SLC2A1: variants seen among roughly 807,000 people sequenced by gnomAD.
SLC2A1 encodes solute carrier family 2, facilitated glucose transporter member 1.
In SLC2A1, 4 loss-of-function variants were observed where a neutral mutation model predicts 46.6. The observed-to-expected ratio is 0.09, with a 90% CI of 0.04 to 0.20. SLC2A1 has a LOEUF of 0.20. Among genes scored for constraint, SLC2A1 ranks in the 10% least tolerant of loss-of-function variants. The pLI is 1.00. For missense variants in SLC2A1, 352 were observed against 667.0 expected (o/e 0.53, Z 5.20); for synonymous variants, 253 against 270.0 (o/e 0.94, Z 0.62).
intron 1 of SLC2A1, among the ~76,000 whole-genome samples, chr1:42,946,663 G>C (rs1313747554): frequency 5.3e-5 from 8 of 151,934 alleles, no homozygotes; most frequent in Non-Finnish European, 8.8e-5. Flanking sequence ...GGACAGAACA[G>C]TATGTGCAAG....
At position 42,926,970 on chromosome 1, in the gene SLC2A1, T is replaced by A; in HGVS notation, c.*71A>T. 1 of 1,580,398 alleles carries A rather than the reference T, an allele frequency of 6.3e-7. No homozygotes were observed. Among genetic ancestry groups the A allele is most frequent in the Non-Finnish European group, 8.6e-7 (1 of 1,161,326 alleles). On this transcript the variant is annotated 3_prime_UTR_variant, in exon 10 of 10. Transcript: ENST00000426263. ...ACATCTGTCAGGTTTGGAAGTCTCATCCAGCTGCCTGTGCTCCTGAGAGAT... is the reference window on the plus strand; with the variant it reads ...ACATCTGTCAGGTTTGGAAGTCTCAACCAGCTGCCTGTGCTCCTGAGAGAT...
Position 42,927,184 on chromosome 1 carries a change from T to C in SLC2A1, c.1336A>G (p.Ile446Val), listed in dbSNP as rs1643436127. ...TCAGGAACTTTGAAGTAGGTGAAGA[T>C]GAAGAACAGAACCAGGAGCACAGTG... is the stretch of plus-strand genomic sequence containing the variant. ...IFTVLLVLFF[I>V]FTYFKVPETK... Residue 446 changes from isoleucine (I) to valine (V), a missense_variant, in exon 10 of 10, where the codon ATC becomes GTC. By Grantham distance (29) the Ile-to-Val change is conservative (BLOSUM62 3). Coordinates refer to ENST00000426263, the MANE Select transcript of SLC2A1 (RefSeq NM_006516.4). This position sits in a 1 kb window ranked among gnomAD's most constrained non-coding sequence, Gnocchi z 5.3. 6 of 1,614,098 alleles carry C rather than the reference T, an allele frequency of 3.7e-6. No individual in the cohort carries two copies. The highest frequency in any genetic ancestry group is 5.1e-6 in the Non-Finnish European group (6 of 1,180,014).
In SLC2A1 at chr1:42,927,331, T is replaced by G. The variant is rs559147717; in HGVS notation, c.1279-90A>C. On this transcript the variant is annotated intron_variant, in intron 9 of 9. Transcript: ENST00000426263. This position sits in a 1 kb window ranked among gnomAD's most constrained non-coding sequence, Gnocchi z 5.3. ...ATAAGTCACTTTACCTTTGGGCCTT[T>G]GAGCTGAAAAGGGAACATCCACCTA... 3 of 1,266,136 alleles carry G rather than the reference T, an allele frequency of 2.4e-6. No homozygotes were observed. Among genetic ancestry groups the G allele is most frequent in the Admixed American group, 3.7e-5 (2 of 54,428 alleles). 78.4% of individuals were successfully genotyped at this position (1,266,136 alleles called of 1,614,324 possible). A position where few individuals can be genotyped will look rare whatever the true frequency, so the allele number is the denominator to read the frequency against.
In SLC2A1 at chr1:42,929,596, G is replaced by A. The variant is rs150384629; in HGVS notation, c.864C>T (p.Asn288=). 1.4e-4 allele frequency: 233 copies of A among 1,613,006 alleles called. No individual in the cohort carries two copies. Among genetic ancestry groups the A allele is most frequent in the African/African-American group, 1.4e-3 (105 of 75,052 alleles). The part of the protein sequence containing the change: ...LQLSQQLSGI[N]AVFYYSTSIF... ...AAGGGTGGGTGGGGGCACTCACAGC[G>A]TTGATGCCAGACAGCTGCTGGGACA... Residue 288 remains asparagine, a synonymous_variant, in exon 6 of 10, where the codon AAC becomes AAT. Coordinates refer to ENST00000426263, the MANE Select transcript of SLC2A1 (RefSeq NM_006516.4). The surrounding 1 kb of genome is among the most constrained non-coding windows in gnomAD (Gnocchi z 6.0).
chr1:42,936,841 T>C (rs961941298), intron 2 of SLC2A1, among the ~76,000 whole-genome samples: 3 of 152,058 alleles, frequency 2.0e-5, no homozygotes, highest in Admixed American at 1.3e-4. Flanking sequence ...TTTCAGAACA[T>C]GCACAGATAC....
At chr1:42,942,573 C>G (rs1428497655) in intron 2 of SLC2A1, among the ~76,000 whole-genome samples, 3 of 151,546 alleles carry the variant, frequency 2.0e-5, no homozygotes, top group African/African-American at 7.3e-5. Flanking sequence ...CCCCCTGTGG[C>G]TCCCTAGGGC....
At chr1:42,945,782 A>G (rs896067222) in intron 1 of SLC2A1, among the ~76,000 whole-genome samples, 4 of 151,730 alleles carry the variant, frequency 2.6e-5, no homozygotes, top group African/African-American at 9.7e-5. Flanking sequence ...AATGTACAAG[A>G]AAGGTAACAT....
At position 42,952,381 on chromosome 1, in the gene SLC2A1, G is replaced by A. The variant is rs761013747; in HGVS notation, c.18+6253C>T. ...ACACTCAGCCTAGCGCTTGGCTGGAGGAGATTCCCGTAGAGGCTGATGCAG... is the reference window on the plus strand; with the variant it reads ...ACACTCAGCCTAGCGCTTGGCTGGAAGAGATTCCCGTAGAGGCTGATGCAG... On this transcript the variant is annotated intron_variant, in intron 1 of 9. Transcript: ENST00000426263. 8.6e-5 allele frequency: 41 copies of A among 478,258 alleles called. 1 individual carries two copies. Among genetic ancestry groups the A allele is most frequent in the South Asian group, 6.2e-4 (41 of 65,776 alleles). The allele number at this position is 478,258 out of a possible 1,614,324, so 29.6% of individuals were successfully genotyped here.
rs1461283003 is a variant in SLC2A1 at position 42,930,853 on chromosome 1, G to A, written c.289C>T (p.Leu97=). 1 of 1,600,904 alleles carries A rather than the reference G, an allele frequency of 6.2e-7. No homozygotes were observed. Among genetic ancestry groups the A allele is most frequent in the South Asian group, 1.1e-5 (1 of 91,082 alleles). ...ACGAAGGCCAGCAGGTTCATCATCA[G>A]CATTGAATTCCGCCTGGGGACGGGG... ...VNRFGRRNSM[L]MMNLLAFVSA... Residue 97 remains leucine (L), a synonymous_variant, in exon 4 of 10, where the codon CTG becomes TTG. Transcript: ENST00000426263. The surrounding 1 kb of genome is among the most constrained non-coding windows in gnomAD (Gnocchi z 6.2).
Position 42,927,463 on chromosome 1 carries a change from G to C in SLC2A1, c.1278+142C>G, listed in dbSNP as rs1306734469. On this transcript the variant is annotated intron_variant, in intron 9 of 9. Transcript: ENST00000426263. This position sits in a 1 kb window ranked among gnomAD's most constrained non-coding sequence, Gnocchi z 5.3. ...GGGGAGAACCCTGGAGTTGAGGTCA[G>C]CATTCTTGGTCATGTGACCTGGGCT... 1.0e-5 allele frequency: 9 copies of C among 891,920 alleles called. No individual in the cohort carries two copies. The highest frequency in any genetic ancestry group is 1.7e-5 in the African/African-American group (1 of 59,944). The allele number at this position is 891,920 out of a possible 1,614,324, so 55.3% of individuals were successfully genotyped here.
intron 2 of SLC2A1, among the ~76,000 whole-genome samples, chr1:42,931,466 CA>C (rs1557646976): frequency 6.6e-6 from 1 of 152,178 alleles, no homozygotes; most frequent in Non-Finnish European, 1.5e-5. Context: ...CCTGTGGTTT[CA>C]CAGGCTCAGT....
At chr1:42,947,041 T>C (rs923344623) in intron 1 of SLC2A1, among the ~76,000 whole-genome samples, 1 of 152,152 alleles carries the variant, frequency 6.6e-6, no homozygotes, top group Non-Finnish European at 1.5e-5. Flanking sequence ...CCTCCACAAG[T>C]GTTTGCTGGA....
intron 1 of SLC2A1, among the ~76,000 whole-genome samples, chr1:42,958,191 G>A (rs1196669638): frequency 6.6e-6 from 1 of 151,828 alleles, no homozygotes; most frequent in Non-Finnish European, 1.5e-5. Context: ...GCGCGCCGGG[G>A]CCGGGGCCGG....
At chr1:42,943,108 C>G in intron 2 of SLC2A1, 118 bp downstream of exon 2, 1 of 747,130 alleles carries the variant, frequency 1.3e-6, no homozygotes, top group Non-Finnish European at 2.4e-6. Context: ...GAGAGGCAGA[C>G]AGTACAGTGC....
At chr1:42,939,042 T>C (rs841845) in intron 2 of SLC2A1, among the ~76,000 whole-genome samples, 38,532 of 152,184 alleles carry the variant, frequency 0.25, 5,288 homozygotes, top group African/African-American at 0.35. Flanking sequence ...TCTCTCTCCT[T>C]ACTGTCTAGG....
intron 2 of SLC2A1, among the ~76,000 whole-genome samples, chr1:42,935,140 C>A (rs944743843): frequency 6.6e-6 from 1 of 152,150 alleles, no homozygotes; most frequent in Non-Finnish European, 1.5e-5. Context: ...GCCATGGTGT[C>A]GGCCAGCCTA....
At chr1:42,956,145 G>T (rs1643770240) in intron 1 of SLC2A1, among the ~76,000 whole-genome samples, 1 of 152,196 alleles carries the variant, frequency 6.6e-6, no homozygotes, top group South Asian at 2.1e-4. Context: ...ATCTACACAA[G>T]ATTTGGAGGG....
At chr1:42,946,262 C>T (rs989347399) in intron 1 of SLC2A1, among the ~76,000 whole-genome samples, 6 of 152,202 alleles carry the variant, frequency 3.9e-5, no homozygotes, top group Admixed American at 3.9e-4. Flanking sequence ...AGAAAACCTG[C>T]CTACCCACTC....
At chr1:42,935,543 A>G (rs1158856730) in intron 2 of SLC2A1, among the ~76,000 whole-genome samples, 1 of 152,204 alleles carries the variant, frequency 6.6e-6, no homozygotes, top group Non-Finnish European at 1.5e-5. Flanking sequence ...CCACTTTCGG[A>G]GGAGCCTTAG....
Sources: allele counts gnomAD v4.1 joint callset (sites outside exome capture counted in the v4.1 genomes callset), GRCh38; gene constraint gnomAD v4.1.1; non-coding constraint Gnocchi (gnomAD v3.1); transcripts MANE v1.5; gene names NCBI Gene and HGNC (gene_info 2026-07-23, HGNC 2026-07-21).